THSD7B: variants seen among roughly 807,000 people sequenced by gnomAD.
The protein encoded by THSD7B is thrombospondin type 1 domain containing 7B.
A neutral mutation model predicts 213.6 loss-of-function variants in THSD7B; 138 were observed. That is an observed-to-expected ratio of 0.65 (90% confidence interval 0.56 to 0.74). The LOEUF (loss-of-function observed/expected upper bound fraction) is 0.74, where lower values mean the gene tolerates loss of function less well. THSD7B is among the 30% of genes least tolerant of loss of function. THSD7B has a pLI of 0.00. For missense variants in THSD7B, 1,931 were observed against 1,991.5 expected (o/e 0.97, Z 0.58); for synonymous variants, 742 against 687.0 (o/e 1.08, Z -1.25).
chr2:136,922,525 T>A (rs1684452810), intron 2 of THSD7B, among the ~76,000 whole-genome samples: 1 of 152,224 alleles, frequency 6.6e-6, no homozygotes, highest in Admixed American at 6.5e-5. Flanking sequence ...CCAGAAATTG[T>A]ACTTAGAAAA....
At chr2:137,066,296 A>G (rs1687380373) in intron 3 of THSD7B, among the ~76,000 whole-genome samples, 1 of 151,008 alleles carries the variant, frequency 6.6e-6, no homozygotes, top group Non-Finnish European at 1.5e-5. Flanking sequence ...GGTTCAAGGA[A>G]TTCTCCTGCC....
intron 4 of THSD7B, among the ~76,000 whole-genome samples, chr2:137,101,955 G>A (rs1235177978): frequency 2.6e-5 from 4 of 152,190 alleles, no homozygotes; most frequent in Admixed American, 1.3e-4. Context: ...GCGCAGCTGC[G>A]GTCACAGCTT....
intron 21 of THSD7B, among the ~76,000 whole-genome samples, chr2:137,651,124 A>T (rs1683129420): frequency 6.6e-6 from 1 of 152,104 alleles, no homozygotes; most frequent in Non-Finnish European, 1.5e-5. Flanking sequence ...CTTCAATTTT[A>T]TTTAAATAAT....
intron 27 of THSD7B, among the ~76,000 whole-genome samples, chr2:137,669,615 A>C (rs1247117965): frequency 6.6e-6 from 1 of 152,208 alleles, no homozygotes; most frequent in African/African-American, 2.4e-5. Context: ...AGCAAAGGAC[A>C]CGAAGGTTTG....
chr2:137,092,229 A>G (rs1360745157), intron 3 of THSD7B, among the ~76,000 whole-genome samples: 1 of 152,262 alleles, frequency 6.6e-6, no homozygotes, highest in South Asian at 2.1e-4. Flanking sequence ...CCTGGGCAAC[A>G]TGACAAAACC....
chr2:136,871,065 C>T (rs773930562), intron 1 of THSD7B, among the ~76,000 whole-genome samples: 21 of 152,016 alleles, frequency 1.4e-4, no homozygotes, highest in Admixed American at 2.6e-4. Context: ...TTTTTCGATG[C>T]GACAAAGAAG....
intron 14 of THSD7B, among the ~76,000 whole-genome samples, chr2:137,450,225 G>T (rs1033937494): frequency 5.3e-5 from 8 of 152,168 alleles, no homozygotes; most frequent in Non-Finnish European, 1.0e-4. Context: ...CAAGAAGTGG[G>T]CTGAAGACAC....
chr2:137,557,464 A>G (rs1336246117), intron 15 of THSD7B, among the ~76,000 whole-genome samples: 1 of 152,224 alleles, frequency 6.6e-6, no homozygotes, highest in Admixed American at 6.5e-5. Context: ...CTGAATGAAT[A>G]CTGGGTACAT....
chr2:137,189,594 C>G (rs1680617683), intron 7 of THSD7B, among the ~76,000 whole-genome samples: 1 of 150,758 alleles, frequency 6.6e-6, no homozygotes, highest in Non-Finnish European at 1.5e-5. Context: ...TCTGCTCCAT[C>G]CACAGGTTCC....
chr2:137,664,833 G>T (rs1414365219), intron 26 of THSD7B, among the ~76,000 whole-genome samples: 1 of 152,176 alleles, frequency 6.6e-6, no homozygotes, highest in Non-Finnish European at 1.5e-5. Context: ...GAAACAAAAT[G>T]CTACAAATGA....
At chr2:137,324,897 C>A (rs1684334147) in intron 12 of THSD7B, among the ~76,000 whole-genome samples, 2 of 152,202 alleles carry the variant, frequency 1.3e-5, no homozygotes, top group Admixed American at 6.5e-5. Context: ...CTGCCTCAAA[C>A]CATGAGTCAA....
At chr2:136,855,419 CCTT>C (rs143427794) in intron 1 of THSD7B, among the ~76,000 whole-genome samples, 2,237 of 151,694 alleles carry the variant, frequency 0.015, 55 homozygotes, top group African/African-American at 0.05. Context: ...TGCCTGTTTC[CCTT>C]CTTCTTCTCT....
rs142814896 is a variant in THSD7B, at chr2:137,159,641, G to A, written c.1370-572G>A. 8.8e-4 allele frequency among the ~76,000 whole-genome samples: 134 copies of A among 152,192 alleles called. No individual in the cohort carries two copies. The East Asian group carries it at 0.021, about 24-fold the overall frequency. On this transcript the variant is annotated intron_variant, in intron 5 of 27. Transcript: ENST00000409968. ...AGTCATTTTCCAAGAGGACATTTGG[G>A]CCTCTGTGTAGCCTCACAAATGAAA...
chr2:137,038,949 A>G (rs1006093196), intron 2 of THSD7B, among the ~76,000 whole-genome samples: 2 of 152,178 alleles, frequency 1.3e-5, no homozygotes, highest in Admixed American at 1.3e-4. Context: ...TTTTCTAGAA[A>G]AGGGACTGAG....
chr2:136,925,407 G>A (rs1684506161), intron 2 of THSD7B, among the ~76,000 whole-genome samples: 1 of 152,066 alleles, frequency 6.6e-6, no homozygotes, highest in African/African-American at 2.4e-5. Flanking sequence ...TTCAAATGCT[G>A]GTTCTGCATG....
chr2:136,817,789 T>G lies in THSD7B; in HGVS notation c.-36+52102T>G, dbSNP rs1432548345. 8.7e-5 allele frequency among the ~76,000 whole-genome samples: 13 copies of G among 149,176 alleles called. No individual in the cohort carries two copies. In the South Asian group the frequency reaches 2.1e-3, roughly 25 times the overall value. ...GACATTTATGCAGCCAAAAAACACA[T>G]GAAAAAATGCTCATCATCACTGGCC... On this transcript the variant is annotated intron_variant, in intron 1 of 27. Coordinates refer to ENST00000409968, the MANE Select transcript of THSD7B (RefSeq NM_001316349.2).
At chr2:137,311,700 G>C (rs1683912437) in intron 12 of THSD7B, among the ~76,000 whole-genome samples, 1 of 151,806 alleles carries the variant, frequency 6.6e-6, no homozygotes, top group South Asian at 2.1e-4. Context: ...AATTTATTGA[G>C]AGTTTTTAGC....
chr2:137,087,294 C>T (rs1347225091), intron 3 of THSD7B, among the ~76,000 whole-genome samples: 1 of 152,182 alleles, frequency 6.6e-6, no homozygotes, highest in Non-Finnish European at 1.5e-5. Context: ...CTCCTCTTCA[C>T]ATAGTACTGG....
intron 2 of THSD7B, among the ~76,000 whole-genome samples, chr2:136,891,545 T>C (rs773974887): frequency 2.0e-4 from 30 of 152,340 alleles, no homozygotes; most frequent in East Asian, 1.5e-3. Context: ...TTTAAAAAGA[T>C]AGAAGCTCAG....
Sources: gnomAD v4.1 joint callset for allele counts (sites outside exome capture counted in the v4.1 genomes callset) on GRCh38, gnomAD v4.1.1 for gene constraint, MANE v1.5 for transcripts, NCBI Gene and HGNC (gene_info 2026-07-23, HGNC 2026-07-21) for gene names.